The following LMTK3 variants were observed in gnomAD, a reference collection of about 807,000 sequenced individuals.
LMTK3 encodes the protein lemur tail kinase 3, also known as serine/threonine-protein kinase LMTK3.
A neutral mutation model predicts 116.7 loss-of-function variants in LMTK3; 27 were observed. The observed-to-expected ratio is 0.23, with a 90% CI of 0.17 to 0.32. The LOEUF is 0.32. Among genes scored for constraint, LMTK3 ranks in the 10% least tolerant of loss-of-function variants. The pLI, the probability that LMTK3 is intolerant of heterozygous loss-of-function variation, is 1.00. For synonymous variants in LMTK3, 965 were observed against 971.0 expected, an observed-to-expected ratio of 0.99 and a Z score of 0.11; for missense variants, 1,764 against 2,068.5, an observed-to-expected ratio of 0.85 and a Z score of 2.86.
In LMTK3 at chr19:48,488,366, TCAC is replaced by T. The variant is rs1275237089; in HGVS notation, c.4367-2580_4367-2578del. The stretch of plus-strand genomic sequence containing the variant: ...ACCTCTCCATTCCCACAGCCCTGGC[TCAC>T]TATCCTCTCCTCAGCCTTTCCCCAG... On this transcript the variant is annotated intron_variant, in intron 14 of 14. Transcript: ENST00000600059. Among the ~76,000 whole-genome samples the T allele has an allele frequency of 4.6e-5, 7 of 152,014 alleles. No individual in the cohort carries two copies. In the South Asian group the frequency reaches 1.5e-3, roughly 32 times the overall value.
chr19:48,493,638 G>A (rs1397750475), intron 12 of LMTK3, 56 bp downstream of exon 12: 2 of 1,492,870 alleles, frequency 1.3e-6, no homozygotes, highest in Non-Finnish European at 1.8e-6. Context: ...CCCGGCTCTA[G>A]GCTCCTGCTC....
At chr19:48,503,594 G>A (rs990234849) in intron 5 of LMTK3, among the ~76,000 whole-genome samples, 4 of 151,804 alleles carry the variant, frequency 2.6e-5, no homozygotes, top group African/African-American at 9.7e-5. Flanking sequence ...CCTGGCTCTA[G>A]TCTCTCCCCT....
chr19:48,495,503 C>T (rs982379530), intron 11 of LMTK3, among the ~76,000 whole-genome samples: 2 of 152,224 alleles, frequency 1.3e-5, no homozygotes, highest in African/African-American at 4.8e-5. Context: ...TCTGACGCAT[C>T]TTAGCTGCTC....
chr19:48,493,591 C>G, intron 12 of LMTK3, 103 bp downstream of exon 12: 1 of 1,415,892 alleles, frequency 7.1e-7, no homozygotes, highest in Non-Finnish European at 9.3e-7. Context: ...CCTCCAGGCC[C>G]CGCCCAACTC....
chr19:48,485,921 C>T, intron 14 of LMTK3, 132 bp from the exon 15 acceptor site: 1 of 856,600 alleles, frequency 1.2e-6, no homozygotes, highest in South Asian at 1.8e-5. Context: ...CCCTCTCTGT[C>T]CTCACCTACC....
At position 48,499,048 on chromosome 19, in the gene LMTK3, C is replaced by T. The variant is rs760844472; in HGVS notation, c.2021G>A (p.Arg674His). Residue 674 changes from arginine (R) to histidine (H), a missense_variant, in exon 11 of 15, where the codon CGC (arginine) becomes CAC (histidine). Around this residue, in one of 7 missense-constraint regions of LMTK3, gnomAD observed 1,028 missense variants for 1,050.6 expected, o/e 0.98. Transcript: ENST00000600059. ...TGGCAGGCAGGAGCAGGCCCCCTCG[C>T]GGCTGCACAGGGGACAGGGTAGGGG... ...RGPLPCPLCS[R>H]EGACSCLPLE... 2 of 1,513,106 alleles carry T rather than the reference C, an allele frequency of 1.3e-6. No homozygotes were observed. Among genetic ancestry groups the T allele is most frequent in the South Asian group, 1.2e-5 (1 of 80,748 alleles). The allele number at this position is 1,513,106 out of a possible 1,614,324, so 93.7% of individuals were successfully genotyped here. A position where few individuals can be genotyped will look rare whatever the true frequency, so the allele number is the denominator to read the frequency against.
Position 48,501,218 on chromosome 19 carries a change from G to A in LMTK3, c.1001+65C>T. ...CCTCATTTTCCCCATCTGTAGAACC[G>A]GTGGCATCTAGTAACCCTTCCACCT... On this transcript the variant is annotated intron_variant, in intron 9 of 14. Coordinates refer to ENST00000600059, the MANE Select transcript of LMTK3 (RefSeq NM_001388485.1). The A allele has an allele frequency of 1.9e-6, 3 of 1,606,808 alleles. No individual in the cohort carries two copies. The South Asian group carries it at 3.3e-5, about 18-fold the overall frequency.
chr19:48,499,273 G>A lies in LMTK3; in HGVS notation c.1796C>T (p.Ser599Phe). ...CAGCAGGAAGCTGCCTGACGCTGAG[G>A]ACTGGGCTGGGAAGGGCCGGGGCGC... ...FPAPRPFPAQ[S>F]SASGSFLLSG... The change falls in exon 11 of 15, where the codon TCC (serine) becomes TTC (phenylalanine). Residue 599 changes from serine to phenylalanine, a missense_variant. By Grantham distance (155) the Ser-to-Phe change is radical (BLOSUM62 -2). Transcript: ENST00000600059. 1 of 1,409,186 alleles carries A rather than the reference G, an allele frequency of 7.1e-7. No homozygotes were observed. Among genetic ancestry groups the A allele is most frequent in the East Asian group, 2.7e-5 (1 of 37,262 alleles). The allele number at this position is 1,409,186 out of a possible 1,614,324, so 87.3% of individuals were successfully genotyped here.
In LMTK3 at chr19:48,497,326, A is replaced by ACT; in HGVS notation, c.3676+65_3676+66dup. On this transcript the variant is annotated intron_variant, in intron 11 of 14. Transcript: ENST00000600059. This position sits in a 1 kb window ranked among gnomAD's most constrained non-coding sequence, Gnocchi z 5.7. ...AGCCCGACCCGACATGTTTACCCACACTCACCCTCCGCACGCCTCGGAAAC... is the reference window on the plus strand; with the variant it reads ...AGCCCGACCCGACATGTTTACCCACACTCTCACCCTCCGCACGCCTCGGAAAC... The ACT allele has an allele frequency of 7.2e-7, 1 of 1,387,944 alleles. No homozygotes were observed. The highest frequency in any genetic ancestry group is 9.4e-7 in the Non-Finnish European group (1 of 1,062,606). 86.0% of individuals were successfully genotyped at this position (1,387,944 alleles called of 1,614,324 possible).
intron 6 of LMTK3, 126 bp from the exon 7 acceptor site, chr19:48,502,707 T>C (rs1972494798): frequency 4.3e-6 from 5 of 1,164,190 alleles, no homozygotes; most frequent in Non-Finnish European, 6.0e-6. Context: ...CTCTGCTGCT[T>C]GCAGCAGGTA....
At position 48,499,590 on chromosome 19, in the gene LMTK3, C is replaced by A. The variant is rs914191845; in HGVS notation, c.1479G>T (p.Gly493=). The A allele has an allele frequency of 1.8e-5, 27 of 1,533,356 alleles. No individual in the cohort carries two copies. Among genetic ancestry groups the A allele is most frequent in the Middle Eastern group, 1.9e-4 (1 of 5,314 alleles). The allele number at this position is 1,533,356 out of a possible 1,614,324, so 95.0% of individuals were successfully genotyped here. A position where few individuals can be genotyped will look rare whatever the true frequency, so the allele number is the denominator to read the frequency against. The part of the protein sequence containing the change: ...KARRGAGRGG[G]APAWQPASAP... ...CCGACGCCGGCTGCCAGGCAGGTGC[C>A]CCCCCACCCCGGCCGGCCCCACGCC... is the stretch of plus-strand genomic sequence containing the variant. The change falls in exon 11 of 15, where the codon GGG becomes GGT. Residue 493 remains glycine, a synonymous_variant. Coordinates refer to ENST00000600059, the MANE Select transcript of LMTK3 (RefSeq NM_001388485.1).
rs951018043 is a variant in LMTK3, at chr19:48,499,513, G to A, written c.1556C>T (p.Ser519Phe). ...NPSNPFYEAL[S>F]TPSVLPVISA... ...GATGACAGGCAGCACGCTGGGCGTG[G>A]ACAGCGCCTCGTAGAAAGGGTTGGA... The change falls in exon 11 of 15, where the codon TCC (serine) becomes TTC (phenylalanine). Residue 519 changes from serine to phenylalanine, a missense_variant. Physicochemically the swap from Ser to Phe is radical, Grantham distance 155. Coordinates refer to ENST00000600059, the MANE Select transcript of LMTK3 (RefSeq NM_001388485.1). 1.1e-5 allele frequency: 15 copies of A among 1,393,908 alleles called. No individual in the cohort carries two copies. Among genetic ancestry groups the A allele is most frequent in the Non-Finnish European group, 1.4e-5 (15 of 1,054,062 alleles). 86.3% of individuals were successfully genotyped at this position (1,393,908 alleles called of 1,614,324 possible). A position where few individuals can be genotyped will look rare whatever the true frequency, so the allele number is the denominator to read the frequency against.
In LMTK3 at chr19:48,497,268, G is replaced by A. The variant is rs1469109656; in HGVS notation, c.3676+125C>T. On this transcript the variant is annotated intron_variant, in intron 11 of 14. Transcript: ENST00000600059. This position sits in a 1 kb window ranked among gnomAD's most constrained non-coding sequence, Gnocchi z 5.7. Reference sequence around the variant, plus strand: ...CTGAGCCACGATGTGAGCCCAGGTGGTGCAGGCTTCAGGACCTGCATTCAT... The same window carrying A: ...CTGAGCCACGATGTGAGCCCAGGTGATGCAGGCTTCAGGACCTGCATTCAT... The A allele has an allele frequency of 3.8e-6, 4 of 1,050,102 alleles. No individual in the cohort carries two copies. Among genetic ancestry groups the A allele is most frequent in the South Asian group, 6.2e-5 (2 of 32,236 alleles). The allele number at this position is 1,050,102 out of a possible 1,614,324, so 65.0% of individuals were successfully genotyped here. A position where few individuals can be genotyped will look rare whatever the true frequency, so the allele number is the denominator to read the frequency against.
In LMTK3 at chr19:48,491,116, C is replaced by T. The variant is rs753055521; in HGVS notation, c.4358G>A (p.Arg1453Gln). The change falls in exon 14 of 15, where the codon CGG becomes CAG. Residue 1453 changes from arginine to glutamine, a missense_variant. Physicochemically the swap from Arg to Gln is conservative, Grantham distance 43. Around this residue, in one of 7 missense-constraint regions of LMTK3, gnomAD observed 281 missense variants for 301.4 expected, o/e 0.93. Transcript: ENST00000600059. The surrounding 1 kb of genome is among the most constrained non-coding windows in gnomAD (Gnocchi z 5.1). ...GGCCGAGGATATGGTACCTGCGGGC[C>T]GGGCGTCGGGGGCCCGGGCGGGTGG... is the stretch of plus-strand genomic sequence containing the variant. ...PGPPARAPDARPAGPVEN is the reference protein window; with the variant it reads ...PGPPARAPDAQPAGPVEN 13 of 1,280,384 alleles carry T rather than the reference C, an allele frequency of 1.0e-5. 1 individual carries two copies. The highest frequency in any genetic ancestry group is 2.3e-4 in the Middle Eastern group (1 of 4,308). 79.3% of individuals were successfully genotyped at this position (1,280,384 alleles called of 1,614,324 possible).
At chr19:48,504,737 TG>T (rs1338707937) in intron 5 of LMTK3, among the ~76,000 whole-genome samples, 2 of 151,918 alleles carry the variant, frequency 1.3e-5, no homozygotes, top group Admixed American at 1.3e-4. Flanking sequence ...TAGTAGATAA[TG>T]GGTTTCACCA....
intron 5 of LMTK3, among the ~76,000 whole-genome samples, chr19:48,503,789 TTC>T (rs148406252): frequency 2.8e-4 from 42 of 149,454 alleles, no homozygotes; most frequent in Non-Finnish European, 3.4e-4. Flanking sequence ...ACCTACAGTT[TTC>T]TCTCTCTCTC....
intron 5 of LMTK3, among the ~76,000 whole-genome samples, chr19:48,504,256 C>T (rs1204817365): frequency 3.3e-5 from 5 of 152,172 alleles, no homozygotes; most frequent in Non-Finnish European, 5.9e-5. Context: ...ATCATCTCCC[C>T]GGGAAGCTTT....
intron 5 of LMTK3, among the ~76,000 whole-genome samples, chr19:48,503,904 A>G (rs1972518778): frequency 7.3e-6 from 1 of 136,328 alleles, no homozygotes; most frequent in African/African-American, 2.8e-5. Context: ...TTTCATTCTT[A>G]TCACTCAGGC....
Position 48,491,327 on chromosome 19 carries a change from C to T in LMTK3, c.4228+77G>A. 7.5e-7 allele frequency: 1 copy of T among 1,332,424 alleles called. No homozygotes were observed. Among genetic ancestry groups the T allele is most frequent in the Non-Finnish European group, 9.7e-7 (1 of 1,036,220 alleles). 82.5% of individuals were successfully genotyped at this position (1,332,424 alleles called of 1,614,324 possible). A position where few individuals can be genotyped will look rare whatever the true frequency, so the allele number is the denominator to read the frequency against. ...TCTGGTCCCGCCCCTCCCGACCAAG[C>T]CCCTCCCACCCCATAGACCCCGCCC... On this transcript the variant is annotated intron_variant, in intron 13 of 14. Transcript: ENST00000600059. The surrounding 1 kb of genome is among the most constrained non-coding windows in gnomAD (Gnocchi z 5.1).
Sources: gnomAD v4.1 joint callset for allele counts (sites outside exome capture counted in the v4.1 genomes callset) on GRCh38, gnomAD v4.1.1 for gene constraint, gnomAD v4.1.1 regional missense constraint, Gnocchi (gnomAD v3.1) non-coding constraint, MANE v1.5 for transcripts, NCBI Gene and HGNC (gene_info 2026-07-23, HGNC 2026-07-21) for gene names.